PHACTR2: variants seen among roughly 807,000 people sequenced by gnomAD.
PHACTR2 encodes the protein phosphatase and actin regulator 2, also known as chromosome 6 open reading frame 56.
In PHACTR2, 30 loss-of-function variants were observed where a neutral mutation model predicts 76.0. The observed-to-expected ratio is 0.39, with a 90% confidence interval of 0.30 to 0.54. PHACTR2 has a LOEUF of 0.54. Ranked by LOEUF, PHACTR2 falls within the 20% of genes least tolerant of loss-of-function variation. PHACTR2 has a pLI of 0.61. For missense variants in PHACTR2, 696 were observed against 781.1 expected (o/e 0.89, Z 1.30); for synonymous variants, 292 against 292.5 (o/e 1.00, Z 0.02).
Position 143,639,352 on chromosome 6 carries a change from T to G in PHACTR2, c.13+31030T>G, listed in dbSNP as rs1172007868. Among the ~76,000 whole-genome samples, 3 of 152,208 alleles carry G rather than the reference T, an allele frequency of 2.0e-5. No individual in the cohort carries two copies. The highest frequency in any genetic ancestry group is 4.4e-5 in the Non-Finnish European group (3 of 68,030). On this transcript the variant is annotated intron_variant, in intron 1 of 11. Coordinates refer to the PHACTR2 transcript ENST00000305766. This position sits in a 1 kb window ranked among gnomAD's most constrained non-coding sequence, Gnocchi z 5.0. ...ATCTTTAAATCACGTTGGGAGTTAG[T>G]GTTTATGCCATCAAGGCTATCATTG... is the stretch of plus-strand genomic sequence containing the variant.
chr6:143,718,396 G>A (rs1217361110), intron 2 of PHACTR2, among the ~76,000 whole-genome samples: 1 of 152,178 alleles, frequency 6.6e-6, no homozygotes, highest in Non-Finnish European at 1.5e-5. Flanking sequence ...AACACACCTG[G>A]CAGTAGGCAA....
chr6:143,601,785 T>C (rs1269832050), intron 1 of PHACTR2, among the ~76,000 whole-genome samples: 1 of 152,236 alleles, frequency 6.6e-6, no homozygotes, highest in Admixed American at 6.5e-5. Flanking sequence ...TTCCCACGCT[T>C]TTTATGTATT....
At position 143,611,653 on chromosome 6, in the gene PHACTR2, C is replaced by T. The variant is rs573230386; in HGVS notation, c.13+3331C>T. On this transcript the variant is annotated intron_variant, in intron 1 of 11. Transcript: ENST00000305766. The surrounding 1 kb of genome is among the most constrained non-coding windows in gnomAD (Gnocchi z 4.4). ...ACAATGGCTGGCATATGGCAGCATA[C>T]AATGCATGTTGGCGTTTTAGAGAGT... Among the ~76,000 whole-genome samples the T allele has an allele frequency of 3.0e-4, 46 of 152,310 alleles. No individual in the cohort carries two copies. The highest frequency in any genetic ancestry group is 4.7e-4 in the Non-Finnish European group (32 of 68,032).
In PHACTR2 at chr6:143,697,252, C is replaced by A. The variant is rs2128457505; in HGVS notation, c.47-14764C>A. On this transcript the variant is annotated intron_variant, in intron 1 of 12. Coordinates refer to ENST00000440869, the MANE Select transcript of PHACTR2 (RefSeq NM_001100164.2). This position sits in a 1 kb window ranked among gnomAD's most constrained non-coding sequence, Gnocchi z 4.4. ...AAACAAAAGCAGTTTGGATTTAGTT[C>A]CAATTTAGTTAGGTAACTTATTTTC... is the stretch of plus-strand genomic sequence containing the variant. Among the ~76,000 whole-genome samples, 1 of 152,216 alleles carries A rather than the reference C, an allele frequency of 6.6e-6. No homozygotes were observed. The highest frequency in any genetic ancestry group is 2.1e-4 in the South Asian group (1 of 4,816).
rs574772212 is a variant in PHACTR2, at chr6:143,719,442, C to G, written c.214+7259C>G. 2.0e-5 allele frequency among the ~76,000 whole-genome samples: 3 copies of G among 147,020 alleles called. No homozygotes were observed. In the East Asian group the frequency reaches 6.4e-4, roughly 31 times the overall value. ...CTCACTCACTGCAACCTCCACCTCC[C>G]AGGTTCAAGCAATTCTCCTGCCTCA... On this transcript the variant is annotated intron_variant, in intron 2 of 12. Coordinates refer to ENST00000440869, the MANE Select transcript of PHACTR2 (RefSeq NM_001100164.2).
intron 9 of PHACTR2, among the ~76,000 whole-genome samples, chr6:143,778,772 G>T (rs907972959): frequency 6.6e-6 from 1 of 152,174 alleles, no homozygotes; most frequent in Non-Finnish European, 1.5e-5. Flanking sequence ...CTTACTGGAT[G>T]CCTGATCCAA....
chr6:143,780,503 A>G lies in PHACTR2; in HGVS notation c.1646-2716A>G, dbSNP rs562582930. ...GGAAACATGTAAAAAGCAGAAAGAA[A>G]AACAAATCCACAAAAAAATTTGGCT... On this transcript the variant is annotated intron_variant, in intron 9 of 12. Coordinates refer to ENST00000440869, the MANE Select transcript of PHACTR2 (RefSeq NM_001100164.2). The surrounding 1 kb of genome is among the most constrained non-coding windows in gnomAD (Gnocchi z 4.4). 6.6e-6 allele frequency among the ~76,000 whole-genome samples: 1 copy of G among 152,368 alleles called. No homozygotes were observed. Among genetic ancestry groups the G allele is most frequent in the East Asian group, 1.9e-4 (1 of 5,194 alleles).
At position 143,696,151 on chromosome 6, in the gene PHACTR2, T is replaced by C. The variant is rs1232192349; in HGVS notation, c.47-15865T>C. Among the ~76,000 whole-genome samples, 3 of 152,254 alleles carry C rather than the reference T, an allele frequency of 2.0e-5. No homozygotes were observed. Among genetic ancestry groups the C allele is most frequent in the Non-Finnish European group, 4.4e-5 (3 of 68,044 alleles). Reference sequence around the variant, plus strand: ...GCTCCTCTCTCATTCTTGTATATGATGTCAACCTTCTTGCTTAGTTTCTTT... The same window carrying C: ...GCTCCTCTCTCATTCTTGTATATGACGTCAACCTTCTTGCTTAGTTTCTTT... On this transcript the variant is annotated intron_variant, in intron 1 of 12. Transcript: ENST00000440869. This position sits in a 1 kb window ranked among gnomAD's most constrained non-coding sequence, Gnocchi z 4.1.
Position 143,672,160 on chromosome 6 carries a change from G to A in PHACTR2, c.14-39856G>A, listed in dbSNP as rs1386548012. 6.6e-6 allele frequency among the ~76,000 whole-genome samples: 1 copy of A among 152,074 alleles called. No individual in the cohort carries two copies. The highest frequency in any genetic ancestry group is 1.5e-5 in the Non-Finnish European group (1 of 68,020). On this transcript the variant is annotated intron_variant, in intron 1 of 11. Coordinates refer to the PHACTR2 transcript ENST00000305766. This position sits in a 1 kb window ranked among gnomAD's most constrained non-coding sequence, Gnocchi z 5.8. ...TTTTCTGACACTTGAGTGTGCTGTT[G>A]GTTGGACTACATGTTTATTAAAACT...
rs1041040463 is a variant in PHACTR2, at chr6:143,593,033, C to T, written c.217+55826C>T. ...CTGCACTCCGGCCTGGGTGACAGAG[C>T]AAGACCCTGCCTCAAAAAAAAAAAA... On this transcript the variant is annotated intron_variant, in intron 1 of 11. Coordinates refer to the PHACTR2 transcript ENST00000367584. 2.9e-4 allele frequency among the ~76,000 whole-genome samples: 33 copies of T among 115,582 alleles called. No homozygotes were observed. The Admixed American group carries it at 3.4e-3, about 12-fold the overall frequency. The allele number at this position is 115,582 out of a possible 152,430, so 75.8% of individuals were successfully genotyped here.
In PHACTR2 at chr6:143,578,868, C is replaced by G. The variant is rs1466887443; in HGVS notation, c.217+41661C>G. Among the ~76,000 whole-genome samples, 1 of 151,730 alleles carries G rather than the reference C, an allele frequency of 6.6e-6. No individual in the cohort carries two copies. Among genetic ancestry groups the G allele is most frequent in the African/African-American group, 2.4e-5 (1 of 41,238 alleles). ...TGCCTATTGTGATTTGTGTTTTTAC[C>G]CATATCCCCTCTACCCTCATAATCC... is the stretch of plus-strand genomic sequence containing the variant. On this transcript the variant is annotated intron_variant, in intron 1 of 11. Transcript: ENST00000367584. This position sits in a 1 kb window ranked among gnomAD's most constrained non-coding sequence, Gnocchi z 4.5.
At chr6:143,792,454 A>G (rs895191203) in intron 11 of PHACTR2, among the ~76,000 whole-genome samples, 1 of 151,916 alleles carries the variant, frequency 6.6e-6, no homozygotes, top group African/African-American at 2.4e-5. Flanking sequence ...CCTCTCATTT[A>G]GTGGCTCCTA....
At chr6:143,660,106 AG>A (rs897073902) in intron 1 of PHACTR2, among the ~76,000 whole-genome samples, 9 of 152,204 alleles carry the variant, frequency 5.9e-5, no homozygotes, top group African/African-American at 2.2e-4. Flanking sequence ...TACTACTGGT[AG>A]GCCTAGCAGT....
intron 11 of PHACTR2, among the ~76,000 whole-genome samples, chr6:143,804,451 T>C (rs1309853372): frequency 6.6e-6 from 1 of 152,208 alleles, no homozygotes; most frequent in African/African-American, 2.4e-5. Flanking sequence ...TTGAAAGTGG[T>C]TACAGGACTC....
chr6:143,674,435 TACA>T (rs1353158201), upstream of PHACTR2, among the ~76,000 whole-genome samples: 1 of 152,240 alleles, frequency 6.6e-6, no homozygotes, highest in Non-Finnish European at 1.5e-5. This position sits in a 1 kb window ranked among gnomAD's most constrained non-coding sequence, Gnocchi z 4.9. Flanking sequence ...TTTCTATTGC[TACA>T]ATTCCCATTA....
At chr6:143,657,906 C>T (rs4299843) in intron 1 of PHACTR2, among the ~76,000 whole-genome samples, 63,287 of 151,938 alleles carry the variant, frequency 0.42, 13,327 homozygotes, top group South Asian at 0.53. Flanking sequence ...AGGGCTGTCT[C>T]CCAGCAGCAC....
chr6:143,545,930 T>G (rs971201784), intron 1 of PHACTR2, among the ~76,000 whole-genome samples: 1 of 152,180 alleles, frequency 6.6e-6, no homozygotes, highest in African/African-American at 2.4e-5. Flanking sequence ...CGTGATGGAG[T>G]GTTCTGCCGT....
intron 7 of PHACTR2, 113 bp from the exon 8 acceptor site, chr6:143,773,946 A>G: frequency 1.3e-6 from 1 of 741,710 alleles, no homozygotes; most frequent in Non-Finnish European, 2.2e-6. Flanking sequence ...CTCCTCCTGC[A>G]TGAGGAGAAA....
intron 2 of PHACTR2, among the ~76,000 whole-genome samples, chr6:143,748,138 T>C (rs1779108634): frequency 6.6e-6 from 1 of 152,170 alleles, no homozygotes; most frequent in Non-Finnish European, 1.5e-5. Context: ...CGATCTTGGC[T>C]CACTGCAACT....
Sources: allele counts gnomAD v4.1 joint callset (sites outside exome capture counted in the v4.1 genomes callset), GRCh38; gene constraint gnomAD v4.1.1; non-coding constraint Gnocchi (gnomAD v3.1); transcripts MANE v1.5; gene names NCBI Gene and HGNC (gene_info 2026-07-23, HGNC 2026-07-21).